LINGO2: variants seen among roughly 807,000 people sequenced by gnomAD.
The protein encoded by LINGO2 is leucine rich repeat and Ig domain containing 2.
LINGO2 carries 14 observed loss-of-function variants against 30.6 expected under a neutral mutation model. The ratio of observed to expected loss-of-function variants is 0.46; its 90% CI spans 0.30 to 0.72. The LOEUF (loss-of-function observed/expected upper bound fraction) is 0.72. Ranked by LOEUF, LINGO2 falls within the 30% of genes least tolerant of loss-of-function variation. The pLI is 0.07. For missense variants in LINGO2, 729 were observed against 751.7 expected (o/e 0.97, Z 0.35); for synonymous variants, 317 against 288.5 (o/e 1.10, Z -1.00).
At chr9:28,084,906 GT>G (rs1825867995) in intron 4 of LINGO2, among the ~76,000 whole-genome samples, 1 of 152,128 alleles carries the variant, frequency 6.6e-6, no homozygotes, top group Non-Finnish European at 1.5e-5. Context: ...GAGAAGGAAA[GT>G]ATGAGAAGAT....
intron 4 of LINGO2, among the ~76,000 whole-genome samples, chr9:28,250,799 C>T (rs1156361051): frequency 6.6e-6 from 1 of 152,166 alleles, no homozygotes; most frequent in African/African-American, 2.4e-5. Context: ...GCTTCCCACT[C>T]CCTATTCAGG....
the LINGO2 span, among the ~76,000 whole-genome samples, chr9:29,108,005 C>T: frequency 1.3e-5 from 2 of 151,966 alleles, no homozygotes; most frequent in Admixed American, 1.3e-4. Context: ...CACACAAAAT[C>T]ATTATCAATG....
At chr9:29,114,474 A>G in the LINGO2 span, among the ~76,000 whole-genome samples, 1 of 150,626 alleles carries the variant, frequency 6.6e-6, no homozygotes, top group African/African-American at 2.4e-5. Context: ...ACATATGTAT[A>G]CATGTACCAT....
the LINGO2 span, among the ~76,000 whole-genome samples, chr9:28,953,762 T>A: frequency 2.6e-5 from 4 of 152,082 alleles, no homozygotes; most frequent in South Asian, 4.1e-4. Flanking sequence ...TTTGATAGCA[T>A]AGCAACATTT....
chr9:28,853,212 G>A, the LINGO2 span, among the ~76,000 whole-genome samples: 13 of 152,030 alleles, frequency 8.6e-5, no homozygotes, highest in African/African-American at 2.9e-4. Flanking sequence ...TCCTCTTGGG[G>A]ACCAGGAGAT....
chr9:28,741,512 C>T, the LINGO2 span, among the ~76,000 whole-genome samples: 1 of 151,922 alleles, frequency 6.6e-6, no homozygotes, highest in African/African-American at 2.4e-5. Context: ...GTGGATACAG[C>T]ATCCAGAGCC....
chr9:28,939,434 T>C, the LINGO2 span, among the ~76,000 whole-genome samples: 3 of 152,196 alleles, frequency 2.0e-5, no homozygotes, highest in Non-Finnish European at 2.9e-5. Context: ...TGCCTCATTT[T>C]TTCATATACT....
At chr9:29,028,967 C>T in the LINGO2 span, among the ~76,000 whole-genome samples, 1 of 152,032 alleles carries the variant, frequency 6.6e-6, no homozygotes, top group East Asian at 1.9e-4. Context: ...TAGTTTGCTA[C>T]ACAGTAATAG....
the LINGO2 span, among the ~76,000 whole-genome samples, chr9:28,711,907 T>TTAA: frequency 6.6e-6 from 1 of 152,144 alleles, no homozygotes; most frequent in Non-Finnish European, 1.5e-5. Context: ...AATGAGTCTA[T>TTAA]TAAAGACAAG....
the LINGO2 span, among the ~76,000 whole-genome samples, chr9:29,018,089 T>TTATATATATATATATATAGATC: frequency 7.3e-6 from 1 of 136,820 alleles, no homozygotes; most frequent in Non-Finnish European, 1.6e-5. Flanking sequence ...TAAATATACA[T>TTATATATATATATATATAGATC]TTTATATATA....
At chr9:28,792,475 C>T in the LINGO2 span, among the ~76,000 whole-genome samples, 1 of 151,914 alleles carries the variant, frequency 6.6e-6, no homozygotes, top group Admixed American at 6.6e-5. Context: ...TCTTCAGCTA[C>T]AAAATGCTAC....
At chr9:28,784,946 CAA>C in the LINGO2 span, among the ~76,000 whole-genome samples, 860 of 89,764 alleles carry the variant, frequency 9.6e-3, 7 homozygotes, top group African/African-American at 0.026. Context: ...GACTCTGTCT[CAA>C]AAAAAAAAAA....
intron 4 of LINGO2, among the ~76,000 whole-genome samples, chr9:28,151,684 GA>G (rs1392074645): frequency 6.6e-6 from 1 of 151,678 alleles, no homozygotes; most frequent in Non-Finnish European, 1.5e-5. Context: ...TCAAAACAAT[GA>G]AATAAAATTA....
At chr9:28,999,007 A>C in the LINGO2 span, among the ~76,000 whole-genome samples, 11 of 152,146 alleles carry the variant, frequency 7.2e-5, no homozygotes, top group African/African-American at 2.4e-4. Context: ...ACCATGAGTC[A>C]GGCACAGAGC....
At chr9:28,177,239 G>T (rs1403992610) in intron 4 of LINGO2, among the ~76,000 whole-genome samples, 1 of 152,142 alleles carries the variant, frequency 6.6e-6, no homozygotes, top group Admixed American at 6.5e-5. Flanking sequence ...TTGAGTAAAT[G>T]TATGAATAGA....
intron 1 of LINGO2, among the ~76,000 whole-genome samples, chr9:28,566,843 G>A (rs916121254): frequency 4.6e-5 from 7 of 152,162 alleles, no homozygotes; most frequent in African/African-American, 1.2e-4. Context: ...GAAATGGTAT[G>A]CTTTCATCTA....
At chr9:28,496,347 T>C (rs1819628348) in intron 1 of LINGO2, among the ~76,000 whole-genome samples, 1 of 152,116 alleles carries the variant, frequency 6.6e-6, no homozygotes, top group Non-Finnish European at 1.5e-5. Flanking sequence ...GGTGCTCCCG[T>C]ATTGGGTGCA....
chr9:28,850,654 C>A, the LINGO2 span, among the ~76,000 whole-genome samples: 2 of 152,010 alleles, frequency 1.3e-5, no homozygotes, highest in African/African-American at 4.8e-5. Flanking sequence ...TAACCAGGGT[C>A]TTGAAACAAG....
the LINGO2 span, among the ~76,000 whole-genome samples, chr9:29,099,721 A>G: frequency 3.3e-5 from 5 of 152,308 alleles, no homozygotes; most frequent in African/African-American, 1.2e-4. Context: ...TATCCAAAAG[A>G]CAGGCAATAA....
Sources: gnomAD v4.1 joint callset for allele counts (sites outside exome capture counted in the v4.1 genomes callset) on GRCh38, gnomAD v4.1.1 for gene constraint, MANE v1.5 for transcripts, NCBI Gene and HGNC (gene_info 2026-07-23, HGNC 2026-07-21) for gene names.